LAMA5: variants seen among roughly 807,000 people sequenced by gnomAD.
LAMA5 encodes the protein laminin subunit alpha 5, also known as laminin subunit alpha-5.
Under a neutral mutation model 433.4 loss-of-function variants are expected in LAMA5, and 260 were observed. The ratio of observed to expected loss-of-function variants is 0.60; its 90% CI spans 0.54 to 0.66. The LOEUF is 0.66. LAMA5 is among the 30% of genes least tolerant of loss of function. The probability of loss-of-function intolerance (pLI) is 0.00; values close to 1 mark genes in which losing one functional copy is unlikely to be tolerated. For synonymous variants in LAMA5, 2,620 were observed against 2,226.6 expected (o/e 1.18, Z -4.97); for missense variants, 5,378 against 5,258.5 (o/e 1.02, Z -0.70).
chr20:62,335,560 C>G (rs1214654367), intron 18 of LAMA5, among the ~76,000 whole-genome samples: 6 of 150,830 alleles, frequency 4.0e-5, no homozygotes, highest in South Asian at 2.1e-4. Context: ...TCCAGCCCCC[C>G]CCCAGGAACC....
intron 51 of LAMA5, among the ~76,000 whole-genome samples, chr20:62,319,442 C>T (rs1033253251): frequency 6.6e-6 from 1 of 152,154 alleles, no homozygotes; most frequent in African/African-American, 2.4e-5. Context: ...GAACATCTAA[C>T]CGGCACATTT....
chr20:62,336,875 C>CCACAGGAGCTGAGGACCAG, intron 16 of LAMA5, 89 bp from the exon 17 acceptor site: 1 of 1,340,120 alleles, frequency 7.5e-7, no homozygotes, highest in East Asian at 2.4e-5. Flanking sequence ...ACCCACGGTC[C>CCACAGGAGCTGAGGACCAG]CACAGGAGCT....
rs1179154979 is a variant in LAMA5 at position 62,352,305 on chromosome 20, T to C, written c.624A>G (p.Thr208=). The change falls in exon 4 of 80, where the codon ACA becomes ACG. Residue 208 remains threonine, a synonymous_variant. Transcript: ENST00000252999. The part of the protein sequence containing the change: ...RFGPQTLERI[T]RDDAAICTTE... ...TGGTGCAGATGGCCGCGTCGTCCCG[T>C]GTGATGCGCTCCAGCGTCTGTGGCC... 3 of 1,599,932 alleles carry C rather than the reference T, an allele frequency of 1.9e-6. No homozygotes were observed. Among genetic ancestry groups the C allele is most frequent in the East Asian group, 2.2e-5 (1 of 44,834 alleles).
intron 6 of LAMA5, among the ~76,000 whole-genome samples, chr20:62,350,122 G>A (rs1984068039): frequency 6.6e-6 from 1 of 151,952 alleles, no homozygotes; most frequent in South Asian, 2.1e-4. Flanking sequence ...ACACCCAGGT[G>A]CGGTGAGTCA....
Position 62,329,255 on chromosome 20 carries a change from T to C in LAMA5, c.4120-2A>G. ...CTCAGGGACCACGAGTACATAATCC[T>C]AGGGGGTGAGGCCTGGTCACTCTCC... On this transcript the variant is annotated splice_acceptor_variant, in intron 32 of 79. Coordinates refer to ENST00000252999, the MANE Select transcript of LAMA5 (RefSeq NM_005560.6). LOFTEE classifies it high-confidence loss of function. 6.2e-7 allele frequency: 1 copy of C among 1,605,810 alleles called. No homozygotes were observed. The highest frequency in any genetic ancestry group is 8.5e-7 in the Non-Finnish European group (1 of 1,174,062).
chr20:62,334,782 C>T (rs1047503103), intron 20 of LAMA5, among the ~76,000 whole-genome samples, 161 bp from the exon 21 acceptor site: 3 of 143,848 alleles, frequency 2.1e-5, no homozygotes, highest in African/African-American at 5.5e-5. Flanking sequence ...AGGGTGAGGG[C>T]GCTGGGATCT....
chr20:62,323,873 C>A lies in LAMA5; in HGVS notation c.5769-17G>T. The A allele has an allele frequency of 6.3e-7, 1 of 1,591,674 alleles. No individual in the cohort carries two copies. Among genetic ancestry groups the A allele is most frequent in the South Asian group, 1.1e-5 (1 of 88,800 alleles). Reference sequence around the variant, plus strand: ...TCGGCGAAGCTGCAAAGACCAGCAGCGTCAGTCACTAGGCCCCTGGCAGTG... The same window carrying A: ...TCGGCGAAGCTGCAAAGACCAGCAGAGTCAGTCACTAGGCCCCTGGCAGTG... On this transcript the variant is annotated splice_polypyrimidine_tract_variant and intron_variant, in intron 43 of 79. Transcript: ENST00000252999.
At chr20:62,345,582 T>C (rs1303921770) in intron 11 of LAMA5, 2 of 578,966 alleles carry the variant, frequency 3.5e-6, no homozygotes, top group Non-Finnish European at 3.2e-6. Context: ...AATTTTTGTA[T>C]TTGCTGTAGA....
At chr20:62,346,410 A>G in intron 9 of LAMA5, 96 bp downstream of exon 9, 2 of 1,392,456 alleles carry the variant, frequency 1.4e-6, no homozygotes, top group Non-Finnish European at 2.0e-6. Flanking sequence ...CTGGAAGCTC[A>G]GGACATCCCC....
In LAMA5 at chr20:62,311,385, C is replaced by G; in HGVS notation, c.9942+16G>C. 6.5e-7 allele frequency: 1 copy of G among 1,546,582 alleles called. No homozygotes were observed. The highest frequency in any genetic ancestry group is 8.7e-7 in the Non-Finnish European group (1 of 1,144,416). ...CAGCCACCCCAGCTCTGCCTGCTCA[C>G]CCCTGGGGTGCCCACCTTCCGGGCG... On this transcript the variant is annotated intron_variant, in intron 72 of 79. Transcript: ENST00000252999.
chr20:62,315,058 C>T lies in LAMA5; in HGVS notation c.8017G>A (p.Gly2673Ser), dbSNP rs1312309000. The change falls in exon 59 of 80, where the codon GGC (glycine) becomes AGC (serine). Residue 2673 changes from glycine (G) to serine (S), a missense_variant. By Grantham distance (56) the Gly-to-Ser change is moderately conservative (BLOSUM62 0). Coordinates refer to ENST00000252999, the MANE Select transcript of LAMA5 (RefSeq NM_005560.6). ...TGGCCTGCGTCAAGCACTGCCTGGCCCAGGTCCTGGCCCCGCAGGCCCTCG... is the reference window on the plus strand; with the variant it reads ...TGGCCTGCGTCAAGCACTGCCTGGCTCAGGTCCTGGCCCCGCAGGCCCTCG... The part of the protein sequence containing the change: ...QYEGLRGQDL[G>S]QAVLDAGHSV... 1.9e-6 allele frequency: 3 copies of T among 1,599,572 alleles called. No homozygotes were observed. Among genetic ancestry groups the T allele is most frequent in the South Asian group, 1.1e-5 (1 of 90,744 alleles).
chr20:62,334,759 G>GGGCGAGGGCGAGGGCGAGGGCA lies in LAMA5; in HGVS notation c.2483-139_2483-138insTGCCCTCGCCCTCGCCCTCGCC. Reference sequence around the variant, plus strand: ...GGGCTCAGGGCTCAGGGCTCAGGGCGAGGGCGAGGGCGAGGGTGAGGGCGC... The same window carrying GGGCGAGGGCGAGGGCGAGGGCA: ...GGGCTCAGGGCTCAGGGCTCAGGGCGGGCGAGGGCGAGGGCGAGGGCAAGGGCGAGGGCGAGGGTGAGGGCGC... On this transcript the variant is annotated intron_variant, in intron 20 of 79. Coordinates refer to ENST00000252999, the MANE Select transcript of LAMA5 (RefSeq NM_005560.6). 3.8e-4 allele frequency: 14 copies of GGGCGAGGGCGAGGGCGAGGGCA among 36,856 alleles called. 1 individual carries two copies. In the Middle Eastern group the frequency reaches 0.026, roughly 68 times the overall value. The allele number at this position is 36,856 out of a possible 1,614,324, so 2.3% of individuals were successfully genotyped here.
rs1245468830 is a variant in LAMA5 at position 62,313,634 on chromosome 20, G to A, written c.8658+15C>T. 6.2e-7 allele frequency: 1 copy of A among 1,611,904 alleles called. No homozygotes were observed. Among genetic ancestry groups the A allele is most frequent in the South Asian group, 1.1e-5 (1 of 91,058 alleles). On this transcript the variant is annotated intron_variant, in intron 63 of 79. Coordinates refer to ENST00000252999, the MANE Select transcript of LAMA5 (RefSeq NM_005560.6). The stretch of plus-strand genomic sequence containing the variant: ...CGGAGCCCCTCCCAGGCTGCCCCAG[G>A]CCGGGCGGGCTCACCGTGAAGGTAC...
intron 28 of LAMA5, 63 bp downstream of exon 28, chr20:62,332,309 T>C: frequency 8.4e-7 from 1 of 1,195,792 alleles, no homozygotes; most frequent in Non-Finnish European, 1.2e-6. Flanking sequence ...TCCCCTCTCA[T>C]GCATGTTTCA....
At chr20:62,320,533 G>C (rs773099084) in intron 50 of LAMA5, 26 bp downstream of exon 50, 6 of 1,546,844 alleles carry the variant, frequency 3.9e-6, no homozygotes, top group African/African-American at 1.4e-5. Flanking sequence ...GCCTCCCGGG[G>C]CCCTGGGGGG....
At chr20:62,330,046 G>A in intron 31 of LAMA5, 130 bp from the exon 32 acceptor site, 1 of 1,323,012 alleles carries the variant, frequency 7.6e-7, no homozygotes, top group Non-Finnish European at 1.0e-6. Context: ...CACGGGACGT[G>A]CCCAAGAGGT....
intron 1 of LAMA5, among the ~76,000 whole-genome samples, chr20:62,362,870 A>AC (rs1270045015): frequency 3.5e-5 from 4 of 113,552 alleles, no homozygotes; most frequent in African/African-American, 1.2e-4. Flanking sequence ...CTACGTGGTA[A>AC]GGGGGGGGGT....
intron 9 of LAMA5, 88 bp from the exon 10 acceptor site, chr20:62,346,303 C>G: frequency 1.3e-6 from 2 of 1,500,952 alleles, no homozygotes; most frequent in South Asian, 1.2e-5. Flanking sequence ...CCTCCCCAGC[C>G]AGGGCCATGG....
chr20:62,327,215 ACCTGATGC>A lies in LAMA5; in HGVS notation c.5112+10_5112+17del. On this transcript the variant is annotated intron_variant, in intron 38 of 79. Coordinates refer to ENST00000252999, the MANE Select transcript of LAMA5 (RefSeq NM_005560.6). The stretch of plus-strand genomic sequence containing the variant: ...GCCATCCTCAAAGTGCCTCCCCCAG[ACCTGATGC>A]CCTGCTTACCCGGTCCCCCAGGTAG... 1 of 1,488,178 alleles carries A rather than the reference ACCTGATGC, an allele frequency of 6.7e-7. No individual in the cohort carries two copies. Among genetic ancestry groups the A allele is most frequent in the Non-Finnish European group, 8.9e-7 (1 of 1,122,184 alleles). The allele number at this position is 1,488,178 out of a possible 1,614,324, so 92.2% of individuals were successfully genotyped here.
Sources: gnomAD v4.1 joint callset for allele counts (sites outside exome capture counted in the v4.1 genomes callset) on GRCh38, gnomAD v4.1.1 for gene constraint, MANE v1.5 for transcripts, NCBI Gene and HGNC (gene_info 2026-07-23, HGNC 2026-07-21) for gene names.